CNTNAP2: variants seen among roughly 807,000 people sequenced by gnomAD.
CNTNAP2 encodes the protein contactin-associated protein-like 2.
In CNTNAP2, 98 loss-of-function variants were observed where a neutral mutation model predicts 155.2. The observed-to-expected ratio is 0.63, with a 90% CI of 0.54 to 0.75. The LOEUF (loss-of-function observed/expected upper bound fraction) is 0.75, where lower values mean the gene tolerates loss of function less well. CNTNAP2 is among the 30% of genes least tolerant of loss of function. The pLI, the probability that CNTNAP2 is intolerant of heterozygous loss-of-function variation, is 0.00. For synonymous variants in CNTNAP2, 651 were observed against 631.2 expected (o/e 1.03, Z -0.47); for missense variants, 1,727 against 1,688.1 (o/e 1.02, Z -0.40).
intron 1 of CNTNAP2, among the ~76,000 whole-genome samples, chr7:146,671,799 T>A (rs1163037547): frequency 1.3e-5 from 2 of 152,018 alleles, no homozygotes; most frequent in Admixed American, 1.3e-4. Flanking sequence ...TCTTTTCTTT[T>A]CTTTTTTTTA....
chr7:148,372,205 AAAAT>A (rs1469097975), intron 21 of CNTNAP2, among the ~76,000 whole-genome samples: 1 of 152,054 alleles, frequency 6.6e-6, no homozygotes, highest in East Asian at 1.9e-4. Flanking sequence ...CGTCTCAAAA[AAAAT>A]AAATAAAAAA....
intron 23 of CNTNAP2, among the ~76,000 whole-genome samples, chr7:148,411,148 T>C (rs1799825607): frequency 6.6e-6 from 1 of 152,198 alleles, no homozygotes; most frequent in Non-Finnish European, 1.5e-5. Flanking sequence ...CATGCGTAGA[T>C]CGATATTGAC....
intron 3 of CNTNAP2, among the ~76,000 whole-genome samples, chr7:146,999,962 A>G (rs1798390914): frequency 6.6e-6 from 1 of 151,918 alleles, no homozygotes; most frequent in Non-Finnish European, 1.5e-5. Context: ...ATAATATTTT[A>G]CCTTTAACTG....
chr7:147,482,716 G>C (rs571049976), intron 10 of CNTNAP2, among the ~76,000 whole-genome samples: 1 of 130,660 alleles, frequency 7.7e-6, no homozygotes, highest in Non-Finnish European at 1.6e-5. Flanking sequence ...GCGAGATTCC[G>C]TCTCAATAAA....
chr7:147,131,982 A>G (rs1484470368), intron 7 of CNTNAP2, among the ~76,000 whole-genome samples: 2 of 152,158 alleles, frequency 1.3e-5, no homozygotes, highest in African/African-American at 4.8e-5. Flanking sequence ...CTATCACATC[A>G]GGCTGTCTGG....
Position 147,330,307 on chromosome 7 carries a change from G to A in CNTNAP2, c.1498+30017G>A, listed in dbSNP as rs78682129. ...AGAAACTGTGTGCAACTACTCCCCCGGTGCCTCCCATCATGCCTTTTCCTA... is the reference window on the plus strand; with the variant it reads ...AGAAACTGTGTGCAACTACTCCCCCAGTGCCTCCCATCATGCCTTTTCCTA... On this transcript the variant is annotated intron_variant, in intron 9 of 23. Coordinates refer to ENST00000361727, the MANE Select transcript of CNTNAP2 (RefSeq NM_014141.6). Among the ~76,000 whole-genome samples, 39 of 152,084 alleles carry A rather than the reference G, an allele frequency of 2.6e-4. 1 individual carries two copies. The East Asian group carries it at 6.6e-3, about 26-fold the overall frequency.
chr7:147,994,049 C>T (rs963758638), intron 15 of CNTNAP2, among the ~76,000 whole-genome samples: 7 of 152,112 alleles, frequency 4.6e-5, no homozygotes, highest in Admixed American at 1.3e-4. Flanking sequence ...GATATACTTA[C>T]GTATGCACAC....
chr7:147,182,052 G>A (rs1344258934), intron 8 of CNTNAP2, among the ~76,000 whole-genome samples: 1 of 148,024 alleles, frequency 6.8e-6, no homozygotes, highest in Admixed American at 6.9e-5. Context: ...TTGAATCCAG[G>A]AGGCAGATGA....
chr7:146,582,805 A>AT lies in CNTNAP2; in HGVS notation c.98-191458dup, dbSNP rs529292264. 4.8e-3 allele frequency among the ~76,000 whole-genome samples: 725 copies of AT among 151,310 alleles called. 5 individuals carry two copies. The highest frequency in any genetic ancestry group is 0.016 in the African/African-American group (668 of 41,340). ...TCCCTATCTCTAAAAAGGAAAAGAA[A>AT]TTTTTTTTGCTTTCATTATCACTTT... On this transcript the variant is annotated intron_variant, in intron 1 of 23. Transcript: ENST00000361727.
intron 1 of CNTNAP2, among the ~76,000 whole-genome samples, chr7:146,267,750 T>G (rs1800018175): frequency 6.6e-6 from 1 of 152,210 alleles, no homozygotes; most frequent in African/African-American, 2.4e-5. Flanking sequence ...TCCCGTGGTT[T>G]GCAAGGCACT....
rs566651519 is a variant in CNTNAP2 at position 146,158,894 on chromosome 7, T to C, written c.97+41921T>C. Among the ~76,000 whole-genome samples, 10 of 152,230 alleles carry C rather than the reference T, an allele frequency of 6.6e-5. No homozygotes were observed. The South Asian group carries it at 8.3e-4, about 13-fold the overall frequency. ...CAACTTCAGGAAATACAGAGAATGC[T>C]ACAAAGATACTCCTCAAGAAGAGCA... On this transcript the variant is annotated intron_variant, in intron 1 of 23. Transcript: ENST00000361727.
At chr7:146,749,202 T>A (rs1801861876) in intron 1 of CNTNAP2, among the ~76,000 whole-genome samples, 1 of 152,202 alleles carries the variant, frequency 6.6e-6, no homozygotes, top group Non-Finnish European at 1.5e-5. Context: ...TCTATACATA[T>A]ATGTGTATGT....
intron 1 of CNTNAP2, among the ~76,000 whole-genome samples, chr7:146,447,013 G>T (rs1308134658): frequency 6.6e-6 from 1 of 151,806 alleles, no homozygotes; most frequent in Admixed American, 6.6e-5. Flanking sequence ...TGTTAATTTT[G>T]CTTTAAAGAT....
chr7:147,972,106 G>C (rs1801343481), intron 14 of CNTNAP2, among the ~76,000 whole-genome samples: 3 of 152,172 alleles, frequency 2.0e-5, no homozygotes, highest in African/African-American at 4.8e-5. Flanking sequence ...AGGAATGATA[G>C]TATTAGGCTT....
intron 8 of CNTNAP2, among the ~76,000 whole-genome samples, chr7:147,221,909 A>G (rs1011436722): frequency 6.6e-6 from 1 of 150,774 alleles, no homozygotes; most frequent in African/African-American, 2.4e-5. Flanking sequence ...AATTCACTCT[A>G]CTCTTTTCTT....
intron 1 of CNTNAP2, among the ~76,000 whole-genome samples, chr7:146,425,625 T>C (rs2129115346): frequency 6.6e-6 from 1 of 152,280 alleles, no homozygotes; most frequent in African/African-American, 2.4e-5. Context: ...TTTTCTTATA[T>C]CTGAAGACCC....
intron 1 of CNTNAP2, among the ~76,000 whole-genome samples, chr7:146,535,187 GATATTATATCA>G (rs1797837153): frequency 4.9e-5 from 1 of 20,606 alleles, no homozygotes; most frequent in Non-Finnish European, 6.8e-5. Context: ...TCATATATAT[GATATTATATCA>G]TATATCATAT....
chr7:148,019,235 C>T (rs1019632208), intron 15 of CNTNAP2, among the ~76,000 whole-genome samples: 18 of 152,190 alleles, frequency 1.2e-4, no homozygotes, highest in Non-Finnish European at 7.3e-5. Context: ...TCCTGGTCTT[C>T]ATCTTCTAGG....
intron 17 of CNTNAP2, among the ~76,000 whole-genome samples, chr7:148,171,754 A>C (rs774794859): frequency 2.8e-4 from 43 of 151,040 alleles, no homozygotes; most frequent in Admixed American, 1.1e-3. Flanking sequence ...TTAAAAGCAA[A>C]GCCTCTCTTG....
Sources: allele counts gnomAD v4.1 joint callset (sites outside exome capture counted in the v4.1 genomes callset), GRCh38; gene constraint gnomAD v4.1.1; transcripts MANE v1.5; gene names NCBI Gene and HGNC (gene_info 2026-07-23, HGNC 2026-07-21).